The following ZMAT4 variants were observed in gnomAD, a reference collection of about 807,000 sequenced individuals.
The protein encoded by ZMAT4 is zinc finger matrin-type protein 4.
A neutral mutation model predicts 28.7 loss-of-function variants in ZMAT4; 17 were observed. That is an observed-to-expected ratio of 0.59 (90% confidence interval 0.41 to 0.89). The LOEUF (loss-of-function observed/expected upper bound fraction) is 0.89, where lower values mean the gene tolerates loss of function less well. Ranked by LOEUF, ZMAT4 falls within the 40% of genes least tolerant of loss-of-function variation. The pLI is 0.00. For synonymous variants in ZMAT4, 117 were observed against 109.2 expected (o/e 1.07, Z -0.44); for missense variants, 240 against 283.8 (o/e 0.85, Z 1.11).
At chr8:40,576,746 A>G (rs1804279248) in intron 6 of ZMAT4, among the ~76,000 whole-genome samples, 1 of 152,202 alleles carries the variant, frequency 6.6e-6, no homozygotes, top group Non-Finnish European at 1.5e-5. Context: ...ACAGATAAAC[A>G]AAAGAGAAAG....
chr8:40,870,940 A>G (rs1817833718), intron 1 of ZMAT4, among the ~76,000 whole-genome samples: 1 of 152,186 alleles, frequency 6.6e-6, no homozygotes, highest in East Asian at 1.9e-4. Context: ...GCACAGTGGT[A>G]TGAGTGCATG....
At chr8:40,696,532 A>T (rs940573030) in intron 4 of ZMAT4, among the ~76,000 whole-genome samples, 2 of 152,208 alleles carry the variant, frequency 1.3e-5, no homozygotes, top group Admixed American at 1.3e-4. Flanking sequence ...GTTTATCTTG[A>T]TTAAATTATA....
intron 5 of ZMAT4, among the ~76,000 whole-genome samples, chr8:40,641,390 C>A (rs1002206513): frequency 2.0e-5 from 3 of 152,152 alleles, no homozygotes; most frequent in Non-Finnish European, 4.4e-5. Flanking sequence ...CTTTCCAAAT[C>A]TTGTTAGACA....
chr8:40,733,890 G>T (rs10091789), intron 3 of ZMAT4, among the ~76,000 whole-genome samples: 1 of 152,204 alleles, frequency 6.6e-6, no homozygotes, highest in Middle Eastern at 3.4e-3. Context: ...TCCTTGCCCT[G>T]AAGGTGCTGA....
chr8:40,695,783 T>TTTTA, intron 4 of ZMAT4, among the ~76,000 whole-genome samples: 1 of 142,694 alleles, frequency 7.0e-6, no homozygotes, highest in African/African-American at 2.6e-5. Context: ...TTTTTTTTTT[T>TTTTA]TTTTTTTTTT....
intron 2 of ZMAT4, among the ~76,000 whole-genome samples, chr8:40,794,138 T>A (rs894737864): frequency 6.6e-6 from 1 of 152,232 alleles, no homozygotes; most frequent in African/African-American, 2.4e-5. Flanking sequence ...TATCATTTAA[T>A]CAAATGCACT....
At chr8:40,897,116 A>G (rs1818904411) in intron 1 of ZMAT4, among the ~76,000 whole-genome samples, 1 of 152,012 alleles carries the variant, frequency 6.6e-6, no homozygotes, top group Admixed American at 6.5e-5. Flanking sequence ...CACCAGGTCA[A>G]ACAGAATAGA....
At chr8:40,816,416 T>C (rs1346513652) in intron 2 of ZMAT4, among the ~76,000 whole-genome samples, 2 of 152,306 alleles carry the variant, frequency 1.3e-5, no homozygotes, top group African/African-American at 2.4e-5. Context: ...TCTAAGATGC[T>C]GAAAGTGTTT....
chr8:40,724,595 G>A (rs1383474144), intron 3 of ZMAT4, among the ~76,000 whole-genome samples: 4 of 152,152 alleles, frequency 2.6e-5, no homozygotes, highest in Non-Finnish European at 5.9e-5. Flanking sequence ...AGTTTGCAGT[G>A]AAAGAAGGAG....
At chr8:40,848,509 A>T (rs1816989287) in intron 1 of ZMAT4, among the ~76,000 whole-genome samples, 1 of 152,206 alleles carries the variant, frequency 6.6e-6, no homozygotes, top group Admixed American at 6.5e-5. Flanking sequence ...GCTGTACATG[A>T]TTGAGGAGGA....
At chr8:40,829,949 G>A (rs1286398901) in intron 1 of ZMAT4, among the ~76,000 whole-genome samples, 1 of 152,090 alleles carries the variant, frequency 6.6e-6, no homozygotes, top group Non-Finnish European at 1.5e-5. Flanking sequence ...GGGGAAGGCA[G>A]AAAAATGCAA....
chr8:40,774,392 A>G (rs935365490), intron 2 of ZMAT4, among the ~76,000 whole-genome samples: 3 of 152,164 alleles, frequency 2.0e-5, no homozygotes, highest in Admixed American at 6.5e-5. Context: ...ATGCAGAAAA[A>G]GCTAGCACTT....
At chr8:40,893,656 TG>T (rs1818771066) in intron 1 of ZMAT4, among the ~76,000 whole-genome samples, 1 of 152,220 alleles carries the variant, frequency 6.6e-6, no homozygotes, top group Non-Finnish European at 1.5e-5. Flanking sequence ...GCACATCTTT[TG>T]TTTTCTTTCC....
At chr8:40,571,110 A>G (rs553933774) in intron 6 of ZMAT4, among the ~76,000 whole-genome samples, 46 of 152,272 alleles carry the variant, frequency 3.0e-4, no homozygotes, top group African/African-American at 1.1e-3. Flanking sequence ...TAGGTCCCCC[A>G]AGAAGGAAGC....
At chr8:40,820,895 G>GTGTGTT (rs1563507386) in intron 2 of ZMAT4, among the ~76,000 whole-genome samples, 102 of 73,808 alleles carry the variant, frequency 1.4e-3, no homozygotes, top group African/African-American at 4.1e-3. Context: ...ATGTGTTTAT[G>GTGTGTT]TGTGTGTTTG....
At chr8:40,740,850 G>A (rs1265628451) in intron 3 of ZMAT4, among the ~76,000 whole-genome samples, 1 of 152,124 alleles carries the variant, frequency 6.6e-6, no homozygotes, top group Non-Finnish European at 1.5e-5. Context: ...GATTTTATAG[G>A]AACCTCAAAT....
intron 6 of ZMAT4, among the ~76,000 whole-genome samples, chr8:40,540,310 C>A (rs775473215): frequency 2.0e-5 from 3 of 151,998 alleles, no homozygotes; most frequent in Non-Finnish European, 2.9e-5. Flanking sequence ...TGTGAAGGGT[C>A]CCTCCTTCCC....
chr8:40,786,867 G>T, intron 2 of ZMAT4: 1 of 483,044 alleles, frequency 2.1e-6, no homozygotes, highest in Non-Finnish European at 3.5e-6. Context: ...GGCCCACAAA[G>T]AGTAACTAGA....
chr8:40,657,262 A>G (rs1807969234), intron 5 of ZMAT4, among the ~76,000 whole-genome samples: 1 of 152,152 alleles, frequency 6.6e-6, no homozygotes, highest in Non-Finnish European at 1.5e-5. Context: ...CGTATTTATC[A>G]TTCCTGGTCA....
Sources: allele counts gnomAD v4.1 joint callset (sites outside exome capture counted in the v4.1 genomes callset), GRCh38; gene constraint gnomAD v4.1.1; transcripts MANE v1.5; gene names NCBI Gene and HGNC (gene_info 2026-07-23, HGNC 2026-07-21).